The following NLN variants were observed in gnomAD, a reference collection of about 807,000 sequenced individuals.
The protein encoded by NLN is neurolysin.
Under a neutral mutation model 79.9 loss-of-function variants are expected in NLN, and 64 were observed. That is an observed-to-expected ratio of 0.80 (90% confidence interval 0.65 to 0.99). The LOEUF is 0.99. NLN is among the 50% of genes least tolerant of loss of function. NLN has a pLI of 0.00. For synonymous variants in NLN, 267 were observed against 296.6 expected, an observed-to-expected ratio of 0.90 and a Z score of 1.02; for missense variants, 835 against 858.7, an observed-to-expected ratio of 0.97 and a Z score of 0.34.
Position 65,754,498 on chromosome 5 carries a change from C to A in NLN, c.42-4069C>A, listed in dbSNP as rs1165281453. On this transcript the variant is annotated intron_variant, in intron 1 of 12. Transcript: ENST00000380985. ...ATAGGGGAAGAGGTTAATGGCTAGACAACCATGTATATCTAACCATCTACT... is the reference window on the plus strand; with the variant it reads ...ATAGGGGAAGAGGTTAATGGCTAGAAAACCATGTATATCTAACCATCTACT... Among the ~76,000 whole-genome samples, 3 of 152,134 alleles carry A rather than the reference C, an allele frequency of 2.0e-5. No homozygotes were observed. In the East Asian group the frequency reaches 5.8e-4, roughly 29 times the overall value.
At chr5:65,773,127 A>ATTTTTTTTTTTTTTTTTTT (rs757202934) in intron 3 of NLN, among the ~76,000 whole-genome samples, 1 of 96,610 alleles carries the variant, frequency 1.0e-5, no homozygotes, top group Non-Finnish European at 1.9e-5. Context: ...CCTGAATTCT[A>ATTTTTTTTTTTTTTTTTTT]TTTTTTTTTT....
chr5:65,769,283 G>A (rs531008354), intron 3 of NLN, among the ~76,000 whole-genome samples: 28 of 152,134 alleles, frequency 1.8e-4, no homozygotes, highest in Admixed American at 1.5e-3. Flanking sequence ...AGGTGGGGAT[G>A]GTTAATGGGA....
At chr5:65,727,256 C>G (rs1360790203) in intron 1 of NLN, among the ~76,000 whole-genome samples, 1 of 152,136 alleles carries the variant, frequency 6.6e-6, no homozygotes, top group Non-Finnish European at 1.5e-5. Context: ...CGGTCTCAAA[C>G]TCTGGTTTCA....
chr5:65,809,659 G>A lies in NLN; in HGVS notation c.1672G>A (p.Asp558Asn), dbSNP rs201282326. 5.7e-5 allele frequency: 92 copies of A among 1,611,300 alleles called. No individual in the cohort carries two copies. The highest frequency in any genetic ancestry group is 4.0e-5 in the African/African-American group (3 of 74,744). The change falls in exon 10 of 13, where the codon GAT becomes AAT. Residue 558 changes from aspartate to asparagine, a missense_variant. Asp to Asn is a conservative substitution (Grantham distance 23). Coordinates refer to ENST00000380985, the MANE Select transcript of NLN (RefSeq NM_020726.5). ...TAAAGATGGAAGCCCTATTGCAGAC[G>A]ATCTGCTTGAAAAACTTGTTGCTTC... ...HYKDGSPIAD[D>N]LLEKLVASRL...
At chr5:65,797,889 A>G (rs1479020153) in intron 9 of NLN, among the ~76,000 whole-genome samples, 1 of 151,882 alleles carries the variant, frequency 6.6e-6, no homozygotes, top group African/African-American at 2.4e-5. Flanking sequence ...GTGATTGGAA[A>G]CCCTCACGTT....
intron 1 of NLN, among the ~76,000 whole-genome samples, chr5:65,726,936 C>A (rs1230867309): frequency 6.6e-6 from 1 of 152,166 alleles, no homozygotes; most frequent in Non-Finnish European, 1.5e-5. Context: ...AGTAACTAGG[C>A]TTTTGCCTAA....
At chr5:65,725,320 G>T (rs2150730510) in intron 1 of NLN, among the ~76,000 whole-genome samples, 1 of 152,320 alleles carries the variant, frequency 6.6e-6, no homozygotes, top group African/African-American at 2.4e-5. Flanking sequence ...TCACATCAAA[G>T]TTTGACAAAT....
chr5:65,792,873 A>G, intron 9 of NLN: 1 of 609,194 alleles, frequency 1.6e-6, no homozygotes, highest in South Asian at 1.5e-5. Context: ...TGTTTGTTGA[A>G]TAACAGCCTA....
chr5:65,755,677 ATTAG>A lies in NLN; in HGVS notation c.42-2885_42-2882del, dbSNP rs140350777. On this transcript the variant is annotated intron_variant, in intron 1 of 12. Transcript: ENST00000380985. The stretch of plus-strand genomic sequence containing the variant: ...AGGTTTTGGAACAACAGGCTTAACC[ATTAG>A]TTAGCATATAACTCAACTGGTGGAA... 9.5e-3 allele frequency among the ~76,000 whole-genome samples: 1,444 copies of A among 152,332 alleles called. 28 individuals carry two copies. Among genetic ancestry groups the A allele is most frequent in the African/African-American group, 0.033 (1,385 of 41,568 alleles).
At chr5:65,795,464 G>T (rs1760155895) in intron 9 of NLN, among the ~76,000 whole-genome samples, 1 of 152,168 alleles carries the variant, frequency 6.6e-6, no homozygotes. Context: ...AGGCAAGTGG[G>T]TCACCTGAGG....
intron 3 of NLN, among the ~76,000 whole-genome samples, chr5:65,770,907 TA>T (rs1398914428): frequency 6.6e-6 from 1 of 152,162 alleles, no homozygotes; most frequent in African/African-American, 2.4e-5. Context: ...TGATACTTTA[TA>T]AAGCTCGAAA....
At chr5:65,817,740 G>A (rs2150777762) in intron 12 of NLN, among the ~76,000 whole-genome samples, 1 of 152,290 alleles carries the variant, frequency 6.6e-6, no homozygotes, top group South Asian at 2.1e-4. Context: ...ATGCCATAAG[G>A]AAGGAGCTAC....
intron 9 of NLN, among the ~76,000 whole-genome samples, chr5:65,795,345 G>A (rs1453461097): frequency 6.6e-6 from 1 of 152,124 alleles, no homozygotes; most frequent in African/African-American, 2.4e-5. Context: ...CTGAGAGTGT[G>A]CCATTGCACT....
intron 1 of NLN, among the ~76,000 whole-genome samples, chr5:65,731,040 C>G (rs1300290091): frequency 2.6e-5 from 4 of 152,222 alleles, no homozygotes; most frequent in Non-Finnish European, 5.9e-5. Flanking sequence ...CTCATTCATG[C>G]TCCTTCAGTC....
intron 8 of NLN, among the ~76,000 whole-genome samples, chr5:65,789,464 A>G (rs1427370438): frequency 6.6e-6 from 1 of 152,188 alleles, no homozygotes; most frequent in Non-Finnish European, 1.5e-5. Flanking sequence ...TAGTTTGTGC[A>G]CTACATTTAC....
Position 65,788,100 on chromosome 5 carries a change from T to C in NLN, c.959-18T>C. ...TTCCAAAAGCAAGTAGATCACTAAC[T>C]TTTCCTTTTCCTTACAGATGATTTA... On this transcript the variant is annotated intron_variant, in intron 7 of 12. Coordinates refer to ENST00000380985, the MANE Select transcript of NLN (RefSeq NM_020726.5). 1.2e-6 allele frequency: 2 copies of C among 1,601,480 alleles called. No homozygotes were observed. The highest frequency in any genetic ancestry group is 1.7e-6 in the Non-Finnish European group (2 of 1,175,102).
At position 65,741,436 on chromosome 5, in the gene NLN, T is replaced by C. The variant is rs568355368; in HGVS notation, c.42-17131T>C. On this transcript the variant is annotated intron_variant, in intron 1 of 12. Transcript: ENST00000380985. ...TAACACTTATTTTTGACTGAACCAG[T>C]CTTAACAAGAAGCATACTAGCTATT... 1.2e-3 allele frequency among the ~76,000 whole-genome samples: 177 copies of C among 152,294 alleles called. 2 individuals are homozygous for C. The highest frequency in any genetic ancestry group is 4.1e-3 in the African/African-American group (170 of 41,556).
At chr5:65,778,313 C>T (rs1759724533) in intron 4 of NLN, among the ~76,000 whole-genome samples, 2 of 152,164 alleles carry the variant, frequency 1.3e-5, no homozygotes, top group Non-Finnish European at 2.9e-5. Flanking sequence ...AGGAAATATA[C>T]TCCATGATTT....
At chr5:65,747,247 G>A (rs1167500235) in intron 1 of NLN, among the ~76,000 whole-genome samples, 1 of 152,122 alleles carries the variant, frequency 6.6e-6, no homozygotes, top group African/African-American at 2.4e-5. Flanking sequence ...GTCAACTACT[G>A]ACAGTGAGAG....
Sources: allele counts gnomAD v4.1 joint callset (sites outside exome capture counted in the v4.1 genomes callset), GRCh38; gene constraint gnomAD v4.1.1; transcripts MANE v1.5; gene names NCBI Gene and HGNC (gene_info 2026-07-23, HGNC 2026-07-21).